CDH13: variants seen among roughly 807,000 people sequenced by gnomAD.
The protein encoded by CDH13 is cadherin-13.
Under a neutral mutation model 63.8 loss-of-function variants are expected in CDH13, and 24 were observed. The observed-to-expected ratio is 0.38, with a 90% CI of 0.27 to 0.53. The LOEUF (loss-of-function observed/expected upper bound fraction) is 0.53. CDH13 is among the 20% of genes least tolerant of loss of function. The pLI is 0.85. For synonymous variants in CDH13, 503 were observed against 355.3 expected (o/e 1.42, Z -4.67); for missense variants, 1,049 against 903.1 (o/e 1.16, Z -2.07).
In CDH13 at chr16:83,191,502, T is replaced by C. The variant is rs62037394; in HGVS notation, c.484-25843T>C. 6.3e-4 allele frequency among the ~76,000 whole-genome samples: 45 copies of C among 71,248 alleles called. 1 individual carries two copies. The South Asian group carries it at 7.8e-3, about 12-fold the overall frequency. The allele number at this position is 71,248 out of a possible 152,430, so 46.7% of individuals were successfully genotyped here. ...ATATATATATATGCACATATATATA[T>C]ATACACACACACACACACACACACA... On this transcript the variant is annotated intron_variant, in intron 4 of 13. Transcript: ENST00000567109.
intron 10 of CDH13, among the ~76,000 whole-genome samples, chr16:83,692,275 C>G (rs917004919): frequency 6.6e-6 from 1 of 152,218 alleles, no homozygotes; most frequent in African/African-American, 2.4e-5. Flanking sequence ...TGCCAGATGC[C>G]TGTAAGAGCA....
intron 9 of CDH13, among the ~76,000 whole-genome samples, chr16:83,677,717 A>C (rs1269879921): frequency 6.6e-6 from 1 of 152,170 alleles, no homozygotes; most frequent in Non-Finnish European, 1.5e-5. Context: ...TCACAGAGGC[A>C]GGGTTATCTT....
At chr16:82,874,138 A>T (rs1328519996) in intron 2 of CDH13, among the ~76,000 whole-genome samples, 3 of 152,210 alleles carry the variant, frequency 2.0e-5, no homozygotes, top group Non-Finnish European at 4.4e-5. Context: ...ATAGTAAAAC[A>T]TATGAATGTT....
At chr16:83,541,727 C>G (rs2075298871) in intron 7 of CDH13, among the ~76,000 whole-genome samples, 1 of 152,204 alleles carries the variant, frequency 6.6e-6, no homozygotes, top group South Asian at 2.1e-4. Context: ...GGTTTTTAAG[C>G]TCTTTAGAAA....
At chr16:83,584,715 C>A (rs1905977248) in intron 7 of CDH13, among the ~76,000 whole-genome samples, 2 of 152,240 alleles carry the variant, frequency 1.3e-5, no homozygotes, top group South Asian at 4.2e-4. Context: ...TGCATTACTA[C>A]AAAGAAATAC....
chr16:82,765,175 G>A (rs536510199), intron 1 of CDH13, among the ~76,000 whole-genome samples: 179 of 152,200 alleles, frequency 1.2e-3, no homozygotes, highest in Non-Finnish European at 2.1e-3. Flanking sequence ...ACTGAATATT[G>A]TTTATTCTTT....
intron 4 of CDH13, among the ~76,000 whole-genome samples, chr16:83,173,105 T>C (rs897347888): frequency 6.6e-6 from 1 of 152,116 alleles, no homozygotes; most frequent in Non-Finnish European, 1.5e-5. Flanking sequence ...GTGCCAGGCT[T>C]ATATGGATTC....
chr16:82,797,539 G>A lies in CDH13; in HGVS notation c.46-60823G>A, dbSNP rs573024218. The stretch of plus-strand genomic sequence containing the variant: ...CTTTCAATGATCTGAGTTAGCTCAA[G>A]AAATTACATCTAGTTACCATACCAT... On this transcript the variant is annotated intron_variant, in intron 1 of 13. Transcript: ENST00000567109. Among the ~76,000 whole-genome samples, 3 of 152,200 alleles carry A rather than the reference G, an allele frequency of 2.0e-5. No individual in the cohort carries two copies. The East Asian group carries it at 5.8e-4, about 29-fold the overall frequency.
rs1197009106 is a variant in CDH13, at chr16:83,779,965, C to A, written c.1682-3C>A. 1.3e-5 allele frequency: 20 copies of A among 1,599,132 alleles called. No individual in the cohort carries two copies. The highest frequency in any genetic ancestry group is 1.2e-5 in the Non-Finnish European group (14 of 1,169,892). Reference sequence around the variant, plus strand: ...ATACCAACATCTTCCCTTTTTCCCACAGGCAACCCTCCCGCTACGGGCACT... The same window carrying A: ...ATACCAACATCTTCCCTTTTTCCCAAAGGCAACCCTCCCGCTACGGGCACT... On this transcript the variant is annotated splice_polypyrimidine_tract_variant and splice_region_variant and intron_variant, in intron 11 of 13. Coordinates refer to ENST00000567109, the MANE Select transcript of CDH13 (RefSeq NM_001257.5).
chr16:82,637,249 T>G (rs1252030597), intron 1 of CDH13, among the ~76,000 whole-genome samples: 1 of 152,190 alleles, frequency 6.6e-6, no homozygotes, highest in Non-Finnish European at 1.5e-5. Flanking sequence ...TGCATGTTTT[T>G]GCAGTAAGAA....
chr16:83,017,083 C>T (rs1280203452), intron 2 of CDH13, among the ~76,000 whole-genome samples: 1 of 152,152 alleles, frequency 6.6e-6, no homozygotes, highest in Non-Finnish European at 1.5e-5. Flanking sequence ...ACTTATGTTT[C>T]CCCAGTCATT....
intron 1 of CDH13, among the ~76,000 whole-genome samples, chr16:82,650,148 T>C (rs574624561): frequency 1.3e-5 from 2 of 152,304 alleles, no homozygotes; most frequent in East Asian, 1.9e-4. Flanking sequence ...CAGGGAGAAA[T>C]AGATTTTGTG....
chr16:83,221,066 G>A (rs1426814979), intron 5 of CDH13, among the ~76,000 whole-genome samples: 1 of 152,228 alleles, frequency 6.6e-6, no homozygotes, highest in East Asian at 1.9e-4. Context: ...CAGCTGGCAT[G>A]TATTGGATTT....
Position 82,896,539 on chromosome 16 carries a change from G to A in CDH13, c.157+38066G>A, listed in dbSNP as rs1249027819. Among the ~76,000 whole-genome samples, 8 of 151,542 alleles carry A rather than the reference G, an allele frequency of 5.3e-5. No individual in the cohort carries two copies. The South Asian group carries it at 8.4e-4, about 16-fold the overall frequency. On this transcript the variant is annotated intron_variant, in intron 2 of 13. Coordinates refer to ENST00000567109, the MANE Select transcript of CDH13 (RefSeq NM_001257.5). ...TCAAACTCCTGGGCTCAAGCAATCC[G>A]CCTGCCTTGGCCTTCCAAAGAGATG... is the stretch of plus-strand genomic sequence containing the variant.
chr16:82,631,076 T>G (rs1213917732), intron 1 of CDH13, among the ~76,000 whole-genome samples: 1 of 152,264 alleles, frequency 6.6e-6, no homozygotes, highest in Non-Finnish European at 1.5e-5. Flanking sequence ...GTCTCTCTCT[T>G]TCTTGCTTTC....
chr16:83,775,693 G>C (rs904670096), intron 11 of CDH13, among the ~76,000 whole-genome samples: 1 of 151,604 alleles, frequency 6.6e-6, no homozygotes, highest in East Asian at 1.9e-4. Flanking sequence ...TGCAGCCTGG[G>C]AGACAGAGCG....
At chr16:83,431,149 A>G (rs1011042050) in intron 6 of CDH13, among the ~76,000 whole-genome samples, 7 of 151,922 alleles carry the variant, frequency 4.6e-5, no homozygotes, top group Admixed American at 4.6e-4. Context: ...ACGTGAACTC[A>G]TCATTTTTTA....
chr16:83,559,843 G>A (rs758897305), intron 7 of CDH13, among the ~76,000 whole-genome samples: 11 of 152,060 alleles, frequency 7.2e-5, no homozygotes, highest in Admixed American at 3.3e-4. Context: ...TGGTGCTTTC[G>A]TGCCTGCCCA....
At chr16:83,014,743 AAT>A (rs71146101) in intron 2 of CDH13, among the ~76,000 whole-genome samples, 393 of 33,194 alleles carry the variant, frequency 0.012, 14 homozygotes, top group Non-Finnish European at 0.018. Flanking sequence ...AAAAAAAAAA[AAT>A]ATATATATAT....
Sources: gnomAD v4.1 joint callset for allele counts (sites outside exome capture counted in the v4.1 genomes callset) on GRCh38, gnomAD v4.1.1 for gene constraint, MANE v1.5 for transcripts, NCBI Gene and HGNC (gene_info 2026-07-23, HGNC 2026-07-21) for gene names.